AGMO: variants seen among roughly 807,000 people sequenced by gnomAD.
The protein encoded by AGMO is glyceryl-ether monooxygenase.
AGMO carries 75 observed loss-of-function variants against 60.2 expected under a neutral mutation model. The ratio of observed to expected loss-of-function variants is 1.25; its 90% confidence interval spans 1.03 to 1.51. The LOEUF (loss-of-function observed/expected upper bound fraction) is 1.51, where lower values mean the gene tolerates loss of function less well. AGMO is among the 40% of genes most tolerant of loss of function. AGMO has a pLI of 0.00. For synonymous variants in AGMO, 261 were observed against 177.1 expected, an observed-to-expected ratio of 1.47 and a Z score of -3.76; for missense variants, 763 against 525.5, an observed-to-expected ratio of 1.45 and a Z score of -4.42.
At chr7:15,141,311 C>T in the AGMO span, among the ~76,000 whole-genome samples, 13 of 152,200 alleles carry the variant, frequency 8.5e-5, no homozygotes, top group South Asian at 2.1e-4. Flanking sequence ...TGGCGGGGCA[C>T]GGTGGCTCAC....
At chr7:15,333,763 A>T (rs536929156) in intron 12 of AGMO, among the ~76,000 whole-genome samples, 5 of 152,238 alleles carry the variant, frequency 3.3e-5, no homozygotes, top group African/African-American at 1.2e-4. Context: ...TAGACATCAC[A>T]ATCAGTGATT....
the AGMO span, among the ~76,000 whole-genome samples, chr7:15,161,457 C>T: frequency 1.3e-5 from 2 of 151,674 alleles, no homozygotes; most frequent in African/African-American, 4.8e-5. Flanking sequence ...CACACACACA[C>T]ATACATATAC....
intron 2 of AGMO, among the ~76,000 whole-genome samples, chr7:15,553,688 A>G (rs1458882648): frequency 7.9e-5 from 12 of 152,170 alleles, no homozygotes; most frequent in Admixed American, 7.9e-4. Context: ...TGAAGGTCCT[A>G]GAAAAACTTC....
At chr7:15,224,296 T>C (rs1365522361) in intron 12 of AGMO, among the ~76,000 whole-genome samples, 54 of 152,044 alleles carry the variant, frequency 3.6e-4, no homozygotes, top group Admixed American at 3.5e-3. Flanking sequence ...AATACAGATG[T>C]TGAAATCCTA....
chr7:15,284,423 T>C (rs185288168), intron 12 of AGMO, among the ~76,000 whole-genome samples: 4 of 152,122 alleles, frequency 2.6e-5, no homozygotes, highest in African/African-American at 9.6e-5. Flanking sequence ...CAAAAGATCA[T>C]TTGAGACTAC....
chr7:15,270,682 T>C (rs1039819255), intron 12 of AGMO, among the ~76,000 whole-genome samples: 6 of 150,064 alleles, frequency 4.0e-5, no homozygotes, highest in African/African-American at 1.5e-4. Flanking sequence ...ATTTATCTAT[T>C]TTTGTATGTG....
chr7:15,218,840 C>A (rs1170437516), intron 12 of AGMO, among the ~76,000 whole-genome samples: 2 of 152,016 alleles, frequency 1.3e-5, no homozygotes, highest in African/African-American at 4.8e-5. Flanking sequence ...ACAGGCCTGA[C>A]TCTTTTTCAA....
intron 8 of AGMO, among the ~76,000 whole-genome samples, chr7:15,389,062 C>T (rs1358370166): frequency 2.6e-5 from 4 of 152,192 alleles, no homozygotes; most frequent in African/African-American, 9.7e-5. Flanking sequence ...TTCACTTTCT[C>T]ATTCTGTCTC....
chr7:15,485,875 G>T (rs763511008), intron 3 of AGMO, among the ~76,000 whole-genome samples: 4 of 151,736 alleles, frequency 2.6e-5, no homozygotes, highest in Non-Finnish European at 5.9e-5. Context: ...GACCTTATTT[G>T]GGGTTCCAAG....
intron 8 of AGMO, 44 bp from the exon 9 acceptor site, chr7:15,387,584 G>C (rs762831293): frequency 2.0e-6 from 3 of 1,529,642 alleles, no homozygotes; most frequent in Non-Finnish European, 1.8e-6. Flanking sequence ...AAGATAAATA[G>C]GAAAGATTAA....
intron 12 of AGMO, among the ~76,000 whole-genome samples, chr7:15,230,458 G>A (rs1354890414): frequency 6.6e-6 from 1 of 152,136 alleles, no homozygotes; most frequent in Non-Finnish European, 1.5e-5. Flanking sequence ...TCAGGGACCT[G>A]TCCTATGGCA....
chr7:15,317,068 C>A (rs1238008411), intron 12 of AGMO, among the ~76,000 whole-genome samples: 1 of 152,158 alleles, frequency 6.6e-6, no homozygotes, highest in African/African-American at 2.4e-5. Flanking sequence ...TTCCAGTTTA[C>A]AACTGTATTT....
intron 12 of AGMO, among the ~76,000 whole-genome samples, chr7:15,354,974 C>T (rs1782465738): frequency 6.6e-6 from 1 of 151,940 alleles, no homozygotes; most frequent in Admixed American, 6.6e-5. Flanking sequence ...GGCTTATGCT[C>T]ACTTATACAT....
At chr7:15,175,873 T>C in the AGMO span, among the ~76,000 whole-genome samples, 2 of 151,960 alleles carry the variant, frequency 1.3e-5, no homozygotes, top group Non-Finnish European at 2.9e-5. Context: ...GGGAAAGGTA[T>C]TTACTATGAA....
chr7:15,523,321 C>G (rs1328111662), intron 3 of AGMO, among the ~76,000 whole-genome samples: 1 of 152,184 alleles, frequency 6.6e-6, no homozygotes, highest in Non-Finnish European at 1.5e-5. Flanking sequence ...ACCTAGCAAT[C>G]CCATTACTGG....
intron 4 of AGMO, among the ~76,000 whole-genome samples, chr7:15,429,979 CA>C (rs1249143401): frequency 2.7e-5 from 4 of 145,758 alleles, no homozygotes; most frequent in Admixed American, 2.1e-4. Flanking sequence ...AGATTAAGAT[CA>C]GGGGTCCTGG....
At chr7:15,377,474 G>T (rs772702222) in intron 10 of AGMO, among the ~76,000 whole-genome samples, 2 of 151,962 alleles carry the variant, frequency 1.3e-5, no homozygotes, top group African/African-American at 2.4e-5. Context: ...TTTTTACCCA[G>T]GAAGCACTCA....
chr7:15,531,018 C>CTATA (rs1343595899), intron 3 of AGMO, among the ~76,000 whole-genome samples: 1 of 70,944 alleles, frequency 1.4e-5, no homozygotes, highest in African/African-American at 6.7e-5. Context: ...TATATATATT[C>CTATA]TATATATTCC....
chr7:15,263,977 G>A lies in AGMO; in HGVS notation c.1264-62618C>T, dbSNP rs1310876382. Among the ~76,000 whole-genome samples the A allele has an allele frequency of 5.3e-5, 8 of 152,058 alleles. No homozygotes were observed. In the South Asian group the frequency reaches 1.2e-3, roughly 24 times the overall value. ...TGGCTACAGAGTACACTGCTTGGTTGATGGGTGCACCAAAATCTCTGAAAT... is the reference window on the plus strand; with the variant it reads ...TGGCTACAGAGTACACTGCTTGGTTAATGGGTGCACCAAAATCTCTGAAAT... On this transcript the variant is annotated intron_variant, in intron 12 of 12. Coordinates refer to ENST00000342526, the MANE Select transcript of AGMO (RefSeq NM_001004320.2).
Sources: allele counts gnomAD v4.1 joint callset (sites outside exome capture counted in the v4.1 genomes callset), GRCh38; gene constraint gnomAD v4.1.1; transcripts MANE v1.5; gene names NCBI Gene and HGNC (gene_info 2026-07-23, HGNC 2026-07-21).